The following TBRG4 variants were observed in gnomAD, a reference collection of about 807,000 sequenced individuals.
TBRG4 encodes FAST kinase domain-containing protein 4.
Under a neutral mutation model 65.6 loss-of-function variants are expected in TBRG4, and 43 were observed. The observed-to-expected ratio is 0.66, with a 90% confidence interval of 0.51 to 0.85. The LOEUF is 0.85. Ranked by LOEUF, TBRG4 falls within the 40% of genes least tolerant of loss-of-function variation. The pLI is 0.00. For synonymous variants in TBRG4, 366 were observed against 341.4 expected, an observed-to-expected ratio of 1.07 and a Z score of -0.79; for missense variants, 709 against 787.9, an observed-to-expected ratio of 0.90 and a Z score of 1.20.
At position 45,106,755 on chromosome 7, in the gene TBRG4, GAC is replaced by G. The variant is rs986722383; in HGVS notation, c.412-993_412-992del. Reference sequence around the variant, plus strand: ...TGTGCCACTGCACTCCAGCCTGGGTGACAGAGTGAGACTCTGTCTCAAACAAC... The same window carrying G: ...TGTGCCACTGCACTCCAGCCTGGGTGAGAGTGAGACTCTGTCTCAAACAAC... On this transcript the variant is annotated intron_variant, in intron 2 of 10. Transcript: ENST00000258770. The G allele has an allele frequency of 6.6e-5, 10 of 152,380 alleles. 1 individual carries two copies. The highest frequency in any genetic ancestry group is 2.4e-4 in the African/African-American group (10 of 41,570). 9.4% of individuals were successfully genotyped at this position (152,380 alleles called of 1,614,324 possible).
rs1382152648 is a variant in TBRG4, at chr7:45,105,139, T to C, written c.735+302A>G. 8 of 647,632 alleles carry C rather than the reference T, an allele frequency of 1.2e-5. No homozygotes were observed. The East Asian group carries it at 1.4e-4, about 11-fold the overall frequency. 40.1% of individuals were successfully genotyped at this position (647,632 alleles called of 1,614,324 possible). A position where few individuals can be genotyped will look rare whatever the true frequency, so the allele number is the denominator to read the frequency against. On this transcript the variant is annotated intron_variant, in intron 3 of 10. Transcript: ENST00000258770. The stretch of plus-strand genomic sequence containing the variant: ...GTGTTACTTCAGGAGCTGCCTGCCA[T>C]GCCCCCCTCTCAAGATCGTGCTGTG...
intron 6 of TBRG4, 131 bp from the exon 7 acceptor site, chr7:45,102,622 A>G: frequency 7.8e-7 from 1 of 1,283,538 alleles, no homozygotes; most frequent in Non-Finnish European, 1.1e-6. Context: ...ACTAGGTAAC[A>G]AGAGGCAGAA....
In TBRG4 at chr7:45,101,853, C is replaced by T. The variant is rs766311842; in HGVS notation, c.1539G>A (p.Glu513=). 10 of 1,607,976 alleles carry T rather than the reference C, an allele frequency of 6.2e-6. No individual in the cohort carries two copies. The highest frequency in any genetic ancestry group is 2.2e-5 in the South Asian group (2 of 91,034). ...GCACCCAGCCATACTGCGTGGCCACCTCGAGGCTGCCCTTGTCGGCGCTCC... is the reference window on the plus strand; with the variant it reads ...GCACCCAGCCATACTGCGTGGCCACTTCGAGGCTGCCCTTGTCGGCGCTCC... The part of the protein sequence containing the change: ...LLGSADKGSL[E]VATQYGWVLD... Residue 513 remains glutamate (E), a synonymous_variant, in exon 8 of 11, where the codon GAG becomes GAA. Coordinates refer to ENST00000258770, the MANE Select transcript of TBRG4 (RefSeq NM_004749.4).
chr7:45,109,849 C>A (rs752527002), intron 1 of TBRG4, among the ~76,000 whole-genome samples: 1 of 151,516 alleles, frequency 6.6e-6, no homozygotes, highest in East Asian at 2.0e-4. Context: ...TCATGGTGCA[C>A]GCCTGTAATC....
chr7:45,101,777 T>C (rs1484773743), intron 8 of TBRG4, 48 bp downstream of exon 8: 9 of 1,599,694 alleles, frequency 5.6e-6, no homozygotes, highest in South Asian at 1.1e-5. Flanking sequence ...AGAGTCCCGT[T>C]AGACTCAGGC....
At chr7:45,107,359 TA>T (rs1490578123) in intron 2 of TBRG4, 1 of 152,198 alleles carries the variant, frequency 6.6e-6, no homozygotes, top group African/African-American at 2.4e-5. Context: ...CTGAAGAGGG[TA>T]ACTGCTATTC....
In TBRG4 at chr7:45,111,589, G is replaced by A. The variant is rs751260795; in HGVS notation, c.-51+54C>T. The A allele has an allele frequency of 8.6e-4, 1,102 of 1,288,820 alleles. 2 individuals are homozygous for A. Among genetic ancestry groups the A allele is most frequent in the Non-Finnish European group, 1.1e-3 (1,044 of 988,528 alleles). 79.8% of individuals were successfully genotyped at this position (1,288,820 alleles called of 1,614,324 possible). A position where few individuals can be genotyped will look rare whatever the true frequency, so the allele number is the denominator to read the frequency against. ...GGACCTTCCCAGCCACGCCTGTGTT[G>A]TGCACTCGAAACCCACGATCAGCCG... On this transcript the variant is annotated intron_variant, in intron 1 of 10. Transcript: ENST00000258770.
At chr7:45,103,017 C>T in intron 6 of TBRG4, 1 of 424,990 alleles carries the variant, frequency 2.4e-6, no homozygotes, top group South Asian at 2.4e-5. Flanking sequence ...GAAGGCTCCC[C>T]CTCCTGCCCT....
intron 2 of TBRG4, chr7:45,107,055 A>G (rs1225126502): frequency 1.3e-5 from 2 of 152,110 alleles, no homozygotes; most frequent in African/African-American, 4.8e-5. Context: ...GGTTTGCAGG[A>G]ACGCTTTTGA....
chr7:45,103,800 A>C, intron 5 of TBRG4: 1 of 530,466 alleles, frequency 1.9e-6, no homozygotes, highest in South Asian at 2.4e-5. Context: ...TCAGTGATTC[A>C]GTAGACAGTT....
chr7:45,105,714 A>G lies in TBRG4; in HGVS notation c.462T>C (p.Tyr154=), dbSNP rs368976611. The G allele has an allele frequency of 4.6e-5, 74 of 1,613,722 alleles. No individual in the cohort carries two copies. The highest frequency in any genetic ancestry group is 6.2e-5 in the Non-Finnish European group (73 of 1,179,896). Residue 154 remains tyrosine (Y), a synonymous_variant, in exon 3 of 11, where the codon TAT becomes TAC. Coordinates refer to ENST00000258770, the MANE Select transcript of TBRG4 (RefSeq NM_004749.4). The part of the protein sequence containing the change: ...GTLSKLLGSL[Y]ALGIPKASKE... ...TGGAGGCCTTGGGGATGCCCAGAGCATACAGGCTTCCCAGCAGCTTCGAGA... is the reference window on the plus strand; with the variant it reads ...TGGAGGCCTTGGGGATGCCCAGAGCGTACAGGCTTCCCAGCAGCTTCGAGA...
In TBRG4 at chr7:45,105,783, C is replaced by G. The variant is rs1784933777; in HGVS notation, c.412-19G>C. The G allele has an allele frequency of 6.3e-7, 1 of 1,588,970 alleles. No homozygotes were observed. ...AGGCAATCTAGGCAGAGAAAGGACA[C>G]AGGAGAAATGATGTGGCACTGTCAG... On this transcript the variant is annotated intron_variant, in intron 2 of 10. Transcript: ENST00000258770.
At chr7:45,104,993 G>A (rs1466362614) in intron 3 of TBRG4, 1 of 747,988 alleles carries the variant, frequency 1.3e-6, no homozygotes, top group Admixed American at 1.7e-5. Context: ...CAGCCATCTG[G>A]GCCAGCCCCC....
At chr7:45,103,115 C>A in intron 6 of TBRG4, 2 of 585,264 alleles carry the variant, frequency 3.4e-6, no homozygotes, top group South Asian at 3.9e-5. Flanking sequence ...GACCCCCCAG[C>A]GCTGCCTGGC....
rs747061002 is a variant in TBRG4, at chr7:45,101,555, G to A, written c.1627C>T (p.Pro543Ser). ...EFLPVRDFVA[P>S]HLAQPTGSQS... ...CTCCCAGTTGGCTGGGCAAGGTGAG[G>A]TGCCACAAAGTCCCTTACGGGCAGA... Residue 543 changes from proline (P) to serine (S), a missense_variant, in exon 9 of 11, where the codon CCT becomes TCT. Physicochemically the swap from Pro to Ser is moderately conservative, Grantham distance 74. Coordinates refer to ENST00000258770, the MANE Select transcript of TBRG4 (RefSeq NM_004749.4). 14 of 1,613,874 alleles carry A rather than the reference G, an allele frequency of 8.7e-6. 1 individual carries two copies. The South Asian group carries it at 1.3e-4, about 15-fold the overall frequency.
At position 45,109,208 on chromosome 7, in the gene TBRG4, C is replaced by A; in HGVS notation, c.30G>T (p.Thr10=). MAAHLVKRC[T]CLLREAARQA... ...GACGAGCAGCTTCTCTCAGGAGGCACGTGCATCGCTTTACCAGGTGAGCTG... is the reference window on the plus strand; with the variant it reads ...GACGAGCAGCTTCTCTCAGGAGGCAAGTGCATCGCTTTACCAGGTGAGCTG... Residue 10 remains threonine, a synonymous_variant, in exon 2 of 11, where the codon ACG becomes ACT. Coordinates refer to ENST00000258770, the MANE Select transcript of TBRG4 (RefSeq NM_004749.4). 6.2e-7 allele frequency: 1 copy of A among 1,607,458 alleles called. No individual in the cohort carries two copies. The highest frequency in any genetic ancestry group is 8.5e-7 in the Non-Finnish European group (1 of 1,176,696).
chr7:45,110,844 T>C (rs1785105138), intron 1 of TBRG4: 1 of 151,084 alleles, frequency 6.6e-6, no homozygotes, highest in Non-Finnish European at 1.5e-5. Flanking sequence ...TATGAGGGGA[T>C]TAAAGCAGCT....
rs368954110 is a variant in TBRG4, at chr7:45,105,614, C to A, written c.562G>T (p.Ala188Ser). 4.3e-6 allele frequency: 7 copies of A among 1,614,032 alleles called. No individual in the cohort carries two copies. The highest frequency in any genetic ancestry group is 5.9e-6 in the Non-Finnish European group (7 of 1,180,050). ...TGTGAGAGGGTGGCACAGGACTCTG[C>A]CAGGAAGGCCAGGTGCTTGTACTTG... ...KLKYKHLAFL[A>S]ESCATLSQEQ... The change falls in exon 3 of 11, where the codon GCA becomes TCA. Residue 188 changes from alanine (A) to serine (S), a missense_variant. Physicochemically the swap from Ala to Ser is moderately conservative, Grantham distance 99. Coordinates refer to ENST00000258770, the MANE Select transcript of TBRG4 (RefSeq NM_004749.4).
rs772535565 is a variant in TBRG4 at position 45,109,083 on chromosome 7, C to A, written c.155G>T (p.Gly52Val). ...SATSPISHLP[G>V]SLMEPVEKER... ...CTTCTCCACCGGCTCCATCAAGGAA[C>A]CTGGGAGGTGGGAAATGGGTGAGGT... The change falls in exon 2 of 11, where the codon GGT becomes GTT. Residue 52 changes from glycine to valine, a missense_variant. Gly to Val is a moderately radical substitution (Grantham distance 109). Coordinates refer to ENST00000258770, the MANE Select transcript of TBRG4 (RefSeq NM_004749.4). The A allele has an allele frequency of 7.4e-6, 12 of 1,614,114 alleles. No individual in the cohort carries two copies. The highest frequency in any genetic ancestry group is 4.5e-5 in the East Asian group (2 of 44,872).
Sources: gnomAD v4.1 joint callset for allele counts (sites outside exome capture counted in the v4.1 genomes callset) on GRCh38, gnomAD v4.1.1 for gene constraint, MANE v1.5 for transcripts, NCBI Gene and HGNC (gene_info 2026-07-23, HGNC 2026-07-21) for gene names.